OXR1: variants seen among roughly 807,000 people sequenced by gnomAD.
The protein encoded by OXR1 is oxidation resistance protein 1.
OXR1 carries 41 observed loss-of-function variants against 104.6 expected under a neutral mutation model. The observed-to-expected ratio is 0.39, with a 90% confidence interval of 0.31 to 0.51. The LOEUF is 0.51. OXR1 is among the 20% of genes least tolerant of loss of function. OXR1 has a pLI of 0.77. For missense variants in OXR1, 955 were observed against 1,031.9 expected, an observed-to-expected ratio of 0.93 and a Z score of 1.02; for synonymous variants, 348 against 348.4, an observed-to-expected ratio of 1.00 and a Z score of 0.01.
chr8:106,410,204 T>C (rs1185313192), intron 2 of OXR1, among the ~76,000 whole-genome samples: 1 of 152,168 alleles, frequency 6.6e-6, no homozygotes, highest in Non-Finnish European at 1.5e-5. Flanking sequence ...TTTCTGTAGA[T>C]TGAATTATAG....
chr8:106,623,948 G>A (rs1450273304), intron 3 of OXR1, among the ~76,000 whole-genome samples: 1 of 152,126 alleles, frequency 6.6e-6, no homozygotes, highest in Non-Finnish European at 1.5e-5. Context: ...AAGAAATTCT[G>A]TTTTCCAAAT....
chr8:106,465,337 T>A (rs1055022741), intron 2 of OXR1, among the ~76,000 whole-genome samples: 1 of 151,840 alleles, frequency 6.6e-6, no homozygotes, highest in African/African-American at 2.4e-5. Flanking sequence ...GGAGGAGTAA[T>A]AGGAGTTGAG....
intron 1 of OXR1, among the ~76,000 whole-genome samples, chr8:106,305,405 T>C (rs1395830003): frequency 6.6e-6 from 1 of 152,156 alleles, no homozygotes; most frequent in Non-Finnish European, 1.5e-5. Context: ...CTTTTAAGGG[T>C]TAACATTTCT....
At chr8:106,697,365 A>G (rs1225444879) in intron 7 of OXR1, 6 of 1,151,102 alleles carry the variant, frequency 5.2e-6, no homozygotes, top group Middle Eastern at 4.2e-4. Flanking sequence ...CTGCTAAAAT[A>G]TATATCTACA....
intron 2 of OXR1, among the ~76,000 whole-genome samples, chr8:106,396,840 G>C (rs1465349258): frequency 6.6e-6 from 1 of 151,776 alleles, no homozygotes; most frequent in African/African-American, 2.4e-5. Flanking sequence ...CTAGATGAAG[G>C]GTACACAGAA....
intron 12 of OXR1, among the ~76,000 whole-genome samples, chr8:106,738,298 GC>G (rs1366988130): frequency 6.6e-6 from 1 of 151,906 alleles, no homozygotes; most frequent in Admixed American, 6.6e-5. Flanking sequence ...TTCTAATGCT[GC>G]CTTGGGTTTC....
At chr8:106,664,350 G>A (rs1361476666) in intron 3 of OXR1, among the ~76,000 whole-genome samples, 1 of 152,200 alleles carries the variant, frequency 6.6e-6, no homozygotes, top group African/African-American at 2.4e-5. Context: ...TTGTGATTCT[G>A]TGTGGCTGAG....
At chr8:106,404,589 T>G (rs773746981) in intron 2 of OXR1, among the ~76,000 whole-genome samples, 1 of 151,826 alleles carries the variant, frequency 6.6e-6, no homozygotes, top group Non-Finnish European at 1.5e-5. Flanking sequence ...ACCTCTTAGC[T>G]CATTCTTTTT....
intron 2 of OXR1, among the ~76,000 whole-genome samples, chr8:106,456,260 C>A (rs768038096): frequency 3.5e-4 from 54 of 152,162 alleles, no homozygotes; most frequent in Admixed American, 1.6e-3. Context: ...GTCCCTTACC[C>A]ACTTGCCTGC....
intron 15 of OXR1, 91 bp downstream of exon 15, chr8:106,742,408 A>G (rs987520569): frequency 1.4e-6 from 1 of 701,260 alleles, no homozygotes; most frequent in Non-Finnish European, 2.4e-6. Flanking sequence ...ATTCCCATTA[A>G]ACTACCACTG....
chr8:106,443,650 A>G (rs1288395819), intron 2 of OXR1, among the ~76,000 whole-genome samples: 1 of 152,068 alleles, frequency 6.6e-6, no homozygotes, highest in Non-Finnish European at 1.5e-5. Flanking sequence ...TGTTCCCTTT[A>G]CCATGTTATA....
chr8:106,293,613 G>A (rs1042308074), intron 1 of OXR1, among the ~76,000 whole-genome samples: 2 of 152,208 alleles, frequency 1.3e-5, no homozygotes, highest in Non-Finnish European at 2.9e-5. Context: ...ATGAAGAACA[G>A]AAATTTATTC....
At chr8:106,523,742 G>A (rs1405244242) in intron 3 of OXR1, among the ~76,000 whole-genome samples, 1 of 151,668 alleles carries the variant, frequency 6.6e-6, no homozygotes, top group Admixed American at 6.6e-5. Context: ...TAGTGGAGTA[G>A]CACTAATAGG....
At chr8:106,676,380 A>G (rs111239137) in intron 3 of OXR1, among the ~76,000 whole-genome samples, 62 of 152,030 alleles carry the variant, frequency 4.1e-4, no homozygotes, top group Non-Finnish European at 6.6e-4. Context: ...AGGCTTGTGT[A>G]TGTGATGGTT....
At chr8:106,590,388 A>G (rs1818984611) in intron 3 of OXR1, among the ~76,000 whole-genome samples, 1 of 152,152 alleles carries the variant, frequency 6.6e-6, no homozygotes, top group African/African-American at 2.4e-5. Context: ...CCTGGGTTCA[A>G]GCGATTTTCC....
chr8:106,412,125 G>A (rs1818479710), intron 2 of OXR1, among the ~76,000 whole-genome samples: 1 of 151,992 alleles, frequency 6.6e-6, no homozygotes, highest in Admixed American at 6.6e-5. Flanking sequence ...TTAAATTATT[G>A]TTTTGTTAGG....
At chr8:106,508,212 T>C (rs1484082860) in intron 2 of OXR1, among the ~76,000 whole-genome samples, 1 of 152,198 alleles carries the variant, frequency 6.6e-6, no homozygotes, top group Non-Finnish European at 1.5e-5. Context: ...TGTGGAGAGA[T>C]TGGCTTTGGC....
At chr8:106,497,098 A>G (rs902194758) in intron 2 of OXR1, among the ~76,000 whole-genome samples, 8 of 152,160 alleles carry the variant, frequency 5.3e-5, no homozygotes, top group Non-Finnish European at 7.3e-5. Context: ...GAGAAATGTG[A>G]TATTTCTGAC....
intron 3 of OXR1, among the ~76,000 whole-genome samples, chr8:106,659,641 T>C (rs1347203043): frequency 6.6e-6 from 1 of 152,180 alleles, no homozygotes; most frequent in Non-Finnish European, 1.5e-5. Context: ...TTCAGAAATA[T>C]GTGGGGTAAC....
Sources: allele counts gnomAD v4.1 joint callset (sites outside exome capture counted in the v4.1 genomes callset), GRCh38; gene constraint gnomAD v4.1.1; transcripts MANE v1.5; gene names NCBI Gene and HGNC (gene_info 2026-07-23, HGNC 2026-07-21).